EVA1C: variants seen among roughly 807,000 people sequenced by gnomAD.
EVA1C encodes eva-1 homolog C.
EVA1C carries 25 observed loss-of-function variants against 45.4 expected under a neutral mutation model. The observed-to-expected ratio is 0.55, with a 90% CI of 0.40 to 0.77. The LOEUF (loss-of-function observed/expected upper bound fraction) is 0.77. Ranked by LOEUF, EVA1C falls within the 30% of genes least tolerant of loss-of-function variation. The pLI, the probability that EVA1C is intolerant of heterozygous loss-of-function variation, is 0.00. For synonymous variants in EVA1C, 190 were observed against 221.2 expected, an observed-to-expected ratio of 0.86 and a Z score of 1.25; for missense variants, 479 against 554.8, an observed-to-expected ratio of 0.86 and a Z score of 1.37.
chr21:32,482,775 A>G (rs908585019), intron 4 of EVA1C, among the ~76,000 whole-genome samples: 2 of 151,830 alleles, frequency 1.3e-5, no homozygotes, highest in Non-Finnish European at 2.9e-5. Flanking sequence ...CTGTTCACGG[A>G]ACTTCACCCT....
At chr21:32,492,966 TGTG>T in intron 4 of EVA1C, among the ~76,000 whole-genome samples, 1 of 149,048 alleles carries the variant, frequency 6.7e-6, no homozygotes, top group South Asian at 2.1e-4. Context: ...ACAAAATTGA[TGTG>T]TGTGTGTGTG....
intron 1 of EVA1C, among the ~76,000 whole-genome samples, chr21:32,447,904 C>T (rs1372704365): frequency 6.6e-6 from 1 of 152,106 alleles, no homozygotes; most frequent in African/African-American, 2.4e-5. Flanking sequence ...GGGGTTTTTC[C>T]ATGTTAGTCA....
Position 32,507,747 on chromosome 21 carries a change from CAT to C in EVA1C, c.949+3735_949+3736del, listed in dbSNP as rs534438048. Among the ~76,000 whole-genome samples the C allele has an allele frequency of 1.2e-3, 130 of 108,630 alleles. 1 individual carries two copies. The highest frequency in any genetic ancestry group is 4.2e-3 in the African/African-American group (87 of 20,578). The allele number at this position is 108,630 out of a possible 152,430, so 71.3% of individuals were successfully genotyped here. ...GTGTGCATACGTGTATCTGCATGTG[CAT>C]ATGTGTTTGCGTGTGTGTGCATGTA... On this transcript the variant is annotated intron_variant, in intron 7 of 7. Transcript: ENST00000300255.
At chr21:32,453,958 C>T (rs531843406) in intron 2 of EVA1C, among the ~76,000 whole-genome samples, 10 of 152,154 alleles carry the variant, frequency 6.6e-5, no homozygotes, top group Non-Finnish European at 1.2e-4. Context: ...GGGCTGGGCG[C>T]GGTGGCTCAT....
intron 7 of EVA1C, among the ~76,000 whole-genome samples, chr21:32,513,246 G>A (rs958286829): frequency 4.7e-5 from 7 of 148,580 alleles, no homozygotes; most frequent in East Asian, 3.9e-4. Context: ...GCGTGATCTC[G>A]GCTCACTGCA....
intron 2 of EVA1C, among the ~76,000 whole-genome samples, chr21:32,457,287 T>C (rs575000970): frequency 6.6e-6 from 1 of 152,290 alleles, no homozygotes; most frequent in South Asian, 2.1e-4. Context: ...CTGACCTCGC[T>C]TGCACCCCCT....
chr21:32,443,280 T>C (rs1226067449), intron 1 of EVA1C, among the ~76,000 whole-genome samples: 1 of 152,218 alleles, frequency 6.6e-6, no homozygotes, highest in Non-Finnish European at 1.5e-5. Flanking sequence ...CAGTGGCTCA[T>C]GCCTGCACTT....
intron 4 of EVA1C, among the ~76,000 whole-genome samples, chr21:32,489,226 T>G (rs957581386): frequency 6.6e-6 from 1 of 152,218 alleles, no homozygotes; most frequent in Non-Finnish European, 1.5e-5. Context: ...TGGTTTCCGG[T>G]CTTATATTTG....
rs1465222704 is a variant in EVA1C at position 32,466,677 on chromosome 21, G to T, written c.482-1019G>T. On this transcript the variant is annotated intron_variant, in intron 3 of 7. Coordinates refer to ENST00000300255, the MANE Select transcript of EVA1C (RefSeq NM_058187.5). Reference sequence around the variant, plus strand: ...CTAACCTAGAATGCACCATCAGCTTGACAGTCAGTTGTTCCTGGATTTACC... The same window carrying T: ...CTAACCTAGAATGCACCATCAGCTTTACAGTCAGTTGTTCCTGGATTTACC... Among the ~76,000 whole-genome samples, 3 of 152,246 alleles carry T rather than the reference G, an allele frequency of 2.0e-5. No homozygotes were observed. The East Asian group carries it at 5.8e-4, about 29-fold the overall frequency.
chr21:32,424,418 G>C (rs185828727), intron 1 of EVA1C, among the ~76,000 whole-genome samples: 44 of 152,136 alleles, frequency 2.9e-4, no homozygotes, highest in African/African-American at 1.0e-3. Context: ...GCTTTGGAGG[G>C]ATATACTTGA....
intron 1 of EVA1C, among the ~76,000 whole-genome samples, chr21:32,448,967 AAAAGAAAG>A (rs148890440): frequency 1.5e-4 from 21 of 144,068 alleles, no homozygotes; most frequent in African/African-American, 5.5e-4. Context: ...AAGAGAAAGA[AAAAGAAAG>A]AAAGAAAGAG....
At chr21:32,497,708 C>CA (rs984583288) in intron 5 of EVA1C, among the ~76,000 whole-genome samples, 2 of 151,900 alleles carry the variant, frequency 1.3e-5, no homozygotes, top group Non-Finnish European at 2.9e-5. Flanking sequence ...AGGCAATTTA[C>CA]AAAAAAGGGG....
At chr21:32,419,752 CA>C (rs1301132621) in intron 1 of EVA1C, among the ~76,000 whole-genome samples, 1 of 145,428 alleles carries the variant, frequency 6.9e-6, no homozygotes, top group Non-Finnish European at 1.5e-5. Flanking sequence ...AACAAACAAA[CA>C]AAAAAACATA....
rs138075026 is a variant in EVA1C at position 32,478,244 on chromosome 21, C to T, written c.634+10396C>T. Among the ~76,000 whole-genome samples, 1,234 of 151,578 alleles carry T rather than the reference C, an allele frequency of 8.1e-3. 5 individuals carry two copies. The highest frequency in any genetic ancestry group is 0.017 in the South Asian group (80 of 4,774). On this transcript the variant is annotated intron_variant, in intron 4 of 7. Coordinates refer to ENST00000300255, the MANE Select transcript of EVA1C (RefSeq NM_058187.5). ...TATATATATATATTTTTTGAGACCACGTCTCACTCTGTCGCCCAGGCTGGA... is the reference window on the plus strand; with the variant it reads ...TATATATATATATTTTTTGAGACCATGTCTCACTCTGTCGCCCAGGCTGGA...
At chr21:32,483,318 T>C (rs1410084075) in intron 4 of EVA1C, among the ~76,000 whole-genome samples, 2 of 152,214 alleles carry the variant, frequency 1.3e-5, no homozygotes, top group Non-Finnish European at 2.9e-5. Context: ...ATTCCTGCTA[T>C]ACTGGTTGAG....
chr21:32,451,031 C>T (rs1210164084), intron 1 of EVA1C, among the ~76,000 whole-genome samples: 1 of 152,196 alleles, frequency 6.6e-6, no homozygotes, highest in Non-Finnish European at 1.5e-5. Flanking sequence ...CAGGAAATGT[C>T]TGTAGCCTTC....
rs368179329 is a variant in EVA1C at position 32,440,025 on chromosome 21, GCTGT to G, written c.161-13284_161-13281del. Among the ~76,000 whole-genome samples, 327 of 152,138 alleles carry G rather than the reference GCTGT, an allele frequency of 2.1e-3. 1 individual carries two copies. The highest frequency in any genetic ancestry group is 7.5e-3 in the African/African-American group (310 of 41,492). On this transcript the variant is annotated intron_variant, in intron 1 of 7. Coordinates refer to ENST00000300255, the MANE Select transcript of EVA1C (RefSeq NM_058187.5). ...TCCTCAAAGTGGGCAGAGTTGAAAG[GCTGT>G]CTAAGCGGGTGGGATGGGAGGCGGT...
chr21:32,505,733 T>A lies in EVA1C; in HGVS notation c.949+1718T>A, dbSNP rs140678745. On this transcript the variant is annotated intron_variant, in intron 7 of 7. Coordinates refer to ENST00000300255, the MANE Select transcript of EVA1C (RefSeq NM_058187.5). ...TTGTGGACAGCAGCCTTCTTGCTTG[T>A]CCTCACATGGCAGAGAGGGGGAGAG... 3.1e-3 allele frequency among the ~76,000 whole-genome samples: 470 copies of A among 152,306 alleles called. 3 individuals are homozygous for A. Among genetic ancestry groups the A allele is most frequent in the African/African-American group, 0.011 (447 of 41,560 alleles).
chr21:32,492,192 G>A (rs987671547), intron 4 of EVA1C, among the ~76,000 whole-genome samples: 8 of 152,208 alleles, frequency 5.3e-5, no homozygotes, highest in Non-Finnish European at 7.3e-5. Context: ...CCAGGGAGCT[G>A]AGGTCAGTGA....
Sources: allele counts gnomAD v4.1 joint callset (sites outside exome capture counted in the v4.1 genomes callset), GRCh38; gene constraint gnomAD v4.1.1; transcripts MANE v1.5; gene names NCBI Gene and HGNC (gene_info 2026-07-23, HGNC 2026-07-21).